Variants in PAPSS1 observed in about 807,000 individuals in gnomAD.
PAPSS1 encodes the protein 3'-phosphoadenosine 5'-phosphosulfate synthase 1, also known as bifunctional 3'-phosphoadenosine 5'-phosphosulfate synthase 1.
Under a neutral mutation model 72.0 loss-of-function variants are expected in PAPSS1, and 50 were observed. The observed-to-expected ratio is 0.69, with a 90% CI of 0.55 to 0.88. The LOEUF (loss-of-function observed/expected upper bound fraction) is 0.88, where lower values mean the gene tolerates loss of function less well. PAPSS1 is among the 40% of genes least tolerant of loss of function. The probability of loss-of-function intolerance (pLI) is 0.00; values close to 1 mark genes in which losing one functional copy is unlikely to be tolerated. For synonymous variants in PAPSS1, 261 were observed against 263.6 expected (o/e 0.99, Z 0.09); for missense variants, 657 against 782.2 (o/e 0.84, Z 1.91).
intron 1 of PAPSS1, among the ~76,000 whole-genome samples, chr4:107,714,749 C>A (rs180939369): frequency 6.4e-4 from 97 of 152,250 alleles, no homozygotes; most frequent in Non-Finnish European, 2.8e-4. Context: ...TTGCCAAATG[C>A]CCCCTAGGGC....
intron 4 of PAPSS1, among the ~76,000 whole-genome samples, chr4:107,684,611 A>G (rs1044718307): frequency 1.3e-5 from 2 of 152,172 alleles, no homozygotes; most frequent in Non-Finnish European, 2.9e-5. Flanking sequence ...CACAATCTTT[A>G]TCTTAACCTG....
chr4:107,633,353 A>T (rs1726271771), intron 10 of PAPSS1, among the ~76,000 whole-genome samples: 1 of 152,234 alleles, frequency 6.6e-6, no homozygotes, highest in African/African-American at 2.4e-5. Context: ...CAGTAAATAT[A>T]CAAGAAATAT....
chr4:107,686,622 A>G (rs1323902789), intron 4 of PAPSS1, among the ~76,000 whole-genome samples: 4 of 152,234 alleles, frequency 2.6e-5, no homozygotes, highest in Non-Finnish European at 4.4e-5. Flanking sequence ...AAGGATCGTA[A>G]TAAAGTACAA....
intron 5 of PAPSS1, among the ~76,000 whole-genome samples, chr4:107,675,110 C>T (rs1169206555): frequency 4.6e-5 from 7 of 152,148 alleles, no homozygotes; most frequent in South Asian, 4.2e-4. Context: ...ACCCTAACAT[C>T]GCAATTAAAA....
At chr4:107,700,209 C>A (rs916057505) in intron 2 of PAPSS1, among the ~76,000 whole-genome samples, 8 of 152,154 alleles carry the variant, frequency 5.3e-5, no homozygotes, top group African/African-American at 1.9e-4. Flanking sequence ...GTAACAACCA[C>A]TGTTGACAAA....
intron 1 of PAPSS1, among the ~76,000 whole-genome samples, chr4:107,704,360 T>A (rs1306426079): frequency 6.6e-6 from 1 of 152,228 alleles, no homozygotes; most frequent in Non-Finnish European, 1.5e-5. Flanking sequence ...GTGCTCTGTC[T>A]AGGACCTCCA....
intron 5 of PAPSS1, among the ~76,000 whole-genome samples, chr4:107,676,600 C>T (rs1046927209): frequency 2.0e-5 from 3 of 152,156 alleles, no homozygotes; most frequent in African/African-American, 7.2e-5. Flanking sequence ...ATGAAAATGG[C>T]CATACTGCCC....
At chr4:107,665,923 T>C (rs1727304607) in intron 5 of PAPSS1, among the ~76,000 whole-genome samples, 1 of 152,184 alleles carries the variant, frequency 6.6e-6, no homozygotes, top group Non-Finnish European at 1.5e-5. Flanking sequence ...ACTCTGAACA[T>C]GTTAATACAA....
rs768018308 is a variant in PAPSS1 at position 107,654,864 on chromosome 4, G to A, written c.932C>T (p.Thr311Ile). 1.2e-6 allele frequency: 2 copies of A among 1,614,016 alleles called. No individual in the cohort carries two copies. Among genetic ancestry groups the A allele is most frequent in the South Asian group, 1.1e-5 (1 of 91,078 alleles). ...CCTCTCTTTATCTTCATGAGTCGCAGTCAGAACTATAGGTACTGACAAGTT... is the reference window on the plus strand; with the variant it reads ...CCTCTCTTTATCTTCATGAGTCGCAATCAGAACTATAGGTACTGACAAGTT... ...VINLSVPIVL[T>I]ATHEDKERLD... Residue 311 changes from threonine to isoleucine, a missense_variant, in exon 8 of 12, where the codon ACT (threonine) becomes ATT (isoleucine). Transcript: ENST00000265174.
chr4:107,709,198 A>G (rs549641498), intron 1 of PAPSS1, among the ~76,000 whole-genome samples: 1 of 152,358 alleles, frequency 6.6e-6, no homozygotes, highest in Admixed American at 6.5e-5. Context: ...TAAACTTAAA[A>G]AAAATTGCCA....
At chr4:107,664,085 A>G (rs969518923) in intron 5 of PAPSS1, among the ~76,000 whole-genome samples, 1 of 152,170 alleles carries the variant, frequency 6.6e-6, no homozygotes, top group Non-Finnish European at 1.5e-5. Context: ...ACTGTGAATA[A>G]ATCATGAGCC....
chr4:107,647,065 GC>G (rs1269390036), intron 9 of PAPSS1, among the ~76,000 whole-genome samples: 8 of 152,158 alleles, frequency 5.3e-5, no homozygotes, highest in Non-Finnish European at 7.3e-5. Context: ...GAAGAAACCC[GC>G]CAGGGACAGG....
chr4:107,717,912 C>T (rs949691243), intron 1 of PAPSS1, among the ~76,000 whole-genome samples: 1 of 152,186 alleles, frequency 6.6e-6, no homozygotes, highest in African/African-American at 2.4e-5. Context: ...CCACTGCCAC[C>T]TTACCCCAGC....
chr4:107,688,391 A>G (rs1722841415), intron 3 of PAPSS1, among the ~76,000 whole-genome samples: 1 of 152,174 alleles, frequency 6.6e-6, no homozygotes, highest in Non-Finnish European at 1.5e-5. Flanking sequence ...GCTGTAACAC[A>G]CTACAATTGT....
intron 10 of PAPSS1, among the ~76,000 whole-genome samples, chr4:107,644,548 G>A (rs986105670): frequency 6.6e-6 from 1 of 152,190 alleles, no homozygotes; most frequent in Non-Finnish European, 1.5e-5. Context: ...AGCCCTGTCT[G>A]CAGGGAACAT....
At chr4:107,694,108 C>G in intron 2 of PAPSS1, 102 bp from the exon 3 acceptor site, 3 of 828,480 alleles carry the variant, frequency 3.6e-6, no homozygotes, top group Non-Finnish European at 5.7e-6. Flanking sequence ...GCTCTGCCAC[C>G]CAGGCTGGAG....
chr4:107,654,832 C>CCTG lies in PAPSS1; in HGVS notation c.963_964insCAG (p.Asp321_Gly322insGln). On this transcript the variant is annotated inframe_insertion, in exon 8 of 12. Coordinates refer to ENST00000265174, the MANE Select transcript of PAPSS1 (RefSeq NM_005443.5). ...TACATCAGAGCAAATGCTGTACAGCCGTCCAGCCTCTCTTTATCTTCATGA... is the reference window on the plus strand; with the variant it reads ...TACATCAGAGCAAATGCTGTACAGCCCTGGTCCAGCCTCTCTTTATCTTCATGA... The CCTG allele has an allele frequency of 6.2e-7, 1 of 1,613,808 alleles. No homozygotes were observed. The highest frequency in any genetic ancestry group is 2.2e-5 in the East Asian group (1 of 44,860).
intron 10 of PAPSS1, 58 bp downstream of exon 10, chr4:107,644,744 C>A: frequency 1.3e-6 from 2 of 1,502,832 alleles, no homozygotes; most frequent in South Asian, 1.3e-5. Flanking sequence ...GTGACACTAG[C>A]TGTGTTAGTA....
chr4:107,616,681 T>C (rs1466883717), intron 11 of PAPSS1, among the ~76,000 whole-genome samples: 1 of 152,220 alleles, frequency 6.6e-6, no homozygotes, highest in African/African-American at 2.4e-5. Flanking sequence ...GTGCTACTAC[T>C]TTGTTTTTTG....
Sources: gnomAD v4.1 joint callset for allele counts (sites outside exome capture counted in the v4.1 genomes callset) on GRCh38, gnomAD v4.1.1 for gene constraint, MANE v1.5 for transcripts, NCBI Gene and HGNC (gene_info 2026-07-23, HGNC 2026-07-21) for gene names.